The following RBFOX1 variants were observed in gnomAD, a reference collection of about 807,000 sequenced individuals.
RBFOX1 encodes the protein RNA binding protein fox-1 homolog 1.
A neutral mutation model predicts 57.7 loss-of-function variants in RBFOX1; 8 were observed. That is an observed-to-expected ratio of 0.14 (90% CI 0.08 to 0.25). The LOEUF (loss-of-function observed/expected upper bound fraction) is 0.25. Among genes scored for constraint, RBFOX1 ranks in the 10% least tolerant of loss-of-function variants. The pLI, the probability that RBFOX1 is intolerant of heterozygous loss-of-function variation, is 1.00. For missense variants in RBFOX1, 611 were observed against 548.5 expected, an observed-to-expected ratio of 1.11 and a Z score of -1.14; for synonymous variants, 326 against 222.4, an observed-to-expected ratio of 1.47 and a Z score of -4.15.
intron 5 of RBFOX1, among the ~76,000 whole-genome samples, chr16:7,528,045 C>G (rs1250754396): frequency 2.0e-5 from 3 of 152,166 alleles, no homozygotes. Flanking sequence ...TGGTCTAAGT[C>G]TAGGTCGTGG....
intron 1 of RBFOX1, among the ~76,000 whole-genome samples, chr16:6,244,972 T>C (rs78254169): frequency 6.6e-6 from 1 of 151,774 alleles, no homozygotes; most frequent in Non-Finnish European, 1.5e-5. Flanking sequence ...CGTTCTGGAG[T>C]CCTTAGTACC....
intron 2 of RBFOX1, among the ~76,000 whole-genome samples, chr16:6,337,019 G>A (rs1473845009): frequency 6.6e-6 from 1 of 152,122 alleles, no homozygotes; most frequent in East Asian, 1.9e-4. Context: ...ACTCAAAATG[G>A]CATTGAGGAA....
chr16:5,903,157 TG>T (rs2058350533), intron 4 of RBFOX1, among the ~76,000 whole-genome samples: 2 of 152,258 alleles, frequency 1.3e-5, no homozygotes, highest in South Asian at 4.1e-4. Flanking sequence ...CATGTCTGTA[TG>T]GGAAATATGT....
At chr16:5,599,008 T>G in exon 3 of RBFOX1, 1 of 1,441,138 alleles carries the variant, frequency 6.9e-7, no homozygotes, top group Non-Finnish European at 9.4e-7. Flanking sequence ...GAAACTACTT[T>G]TGCATCCTTT....
intron 1 of RBFOX1, among the ~76,000 whole-genome samples, chr16:6,146,848 C>G (rs1166246092): frequency 6.6e-6 from 1 of 152,138 alleles, no homozygotes; most frequent in Admixed American, 6.5e-5. Flanking sequence ...CACCTCGTTG[C>G]AGAAACATGG....
At chr16:5,355,414 G>T (rs750994372) in intron 1 of RBFOX1, among the ~76,000 whole-genome samples, 2 of 152,208 alleles carry the variant, frequency 1.3e-5, no homozygotes, top group Non-Finnish European at 2.9e-5. Flanking sequence ...GAAGCCTGAG[G>T]ACAAGGAGAC....
chr16:6,872,724 A>T (rs989497255), intron 3 of RBFOX1, among the ~76,000 whole-genome samples: 3 of 152,192 alleles, frequency 2.0e-5, no homozygotes, highest in Non-Finnish European at 4.4e-5. Context: ...TGTGTCTCAA[A>T]ACCTGTGTTT....
intron 2 of RBFOX1, among the ~76,000 whole-genome samples, chr16:5,516,893 G>C (rs866599693): frequency 6.6e-6 from 1 of 152,128 alleles, no homozygotes. Flanking sequence ...GTGCAGAACT[G>C]TGAGTCAATT....
At chr16:7,254,795 G>T (rs2094612425) in intron 4 of RBFOX1, among the ~76,000 whole-genome samples, 1 of 152,012 alleles carries the variant, frequency 6.6e-6, no homozygotes, top group Non-Finnish European at 1.5e-5. Flanking sequence ...GCTTTATGTT[G>T]TATTTCATAC....
chr16:7,507,142 T>A (rs1024263913), intron 4 of RBFOX1, among the ~76,000 whole-genome samples: 4 of 152,362 alleles, frequency 2.6e-5, no homozygotes, highest in South Asian at 2.1e-4. Flanking sequence ...TATTTGACTT[T>A]GATTTCATAG....
intron 2 of RBFOX1, among the ~76,000 whole-genome samples, chr16:6,638,168 C>A (rs1161732893): frequency 6.6e-6 from 1 of 151,988 alleles, no homozygotes; most frequent in African/African-American, 2.4e-5. Context: ...TAATTGTCTT[C>A]TTGCATATAA....
intron 2 of RBFOX1, among the ~76,000 whole-genome samples, chr16:6,565,256 C>CCTTTCT (rs1326219843): frequency 1.9e-5 from 2 of 106,722 alleles, no homozygotes; most frequent in East Asian, 8.3e-4. Context: ...TTTTTCTTTT[C>CCTTTCT]TTTTCTTTTT....
At chr16:6,054,709 G>T (rs926246373) in intron 1 of RBFOX1, among the ~76,000 whole-genome samples, 4 of 152,178 alleles carry the variant, frequency 2.6e-5, no homozygotes, top group Non-Finnish European at 5.9e-5. Context: ...CTGTTGAAGG[G>T]AAACTCACAG....
chr16:6,898,740 A>C (rs960198675), intron 3 of RBFOX1, among the ~76,000 whole-genome samples: 1 of 152,002 alleles, frequency 6.6e-6, no homozygotes, highest in Non-Finnish European at 1.5e-5. Flanking sequence ...ATACATGTGT[A>C]TGTGTCCATA....
intron 4 of RBFOX1, among the ~76,000 whole-genome samples, chr16:5,969,542 T>A (rs1340580262): frequency 6.7e-6 from 1 of 150,290 alleles, no homozygotes; most frequent in South Asian, 2.1e-4. Flanking sequence ...CAGGCTGGTC[T>A]CGAACTGCTG....
At chr16:6,024,052 C>T (rs1210668454) in intron 1 of RBFOX1, among the ~76,000 whole-genome samples, 1 of 152,146 alleles carries the variant, frequency 6.6e-6, no homozygotes, top group Non-Finnish European at 1.5e-5. Context: ...ACACAGGCAA[C>T]TGTCCTCATT....
chr16:6,859,125 A>ATATATATATATACGTATATATATACG (rs2058454814), intron 3 of RBFOX1, among the ~76,000 whole-genome samples: 2 of 66,328 alleles, frequency 3.0e-5, no homozygotes, highest in African/African-American at 1.9e-4. Context: ...ATATATATAT[A>ATATATATATATACGTATATATATACG]TATACATATA....
At chr16:6,039,467 G>A (rs1284098510) in intron 1 of RBFOX1, among the ~76,000 whole-genome samples, 1 of 152,056 alleles carries the variant, frequency 6.6e-6, no homozygotes. Context: ...GGAGACCGAA[G>A]TTCTATGAGG....
chr16:5,776,476 G>A (rs2054153911), intron 3 of RBFOX1, among the ~76,000 whole-genome samples: 1 of 152,192 alleles, frequency 6.6e-6, no homozygotes, highest in Non-Finnish European at 1.5e-5. Flanking sequence ...ACTGGGCTGA[G>A]CTTAAGTCTT....
Sources: gnomAD v4.1 joint callset for allele counts (sites outside exome capture counted in the v4.1 genomes callset) on GRCh38, gnomAD v4.1.1 for gene constraint, MANE v1.5 for transcripts, NCBI Gene and HGNC (gene_info 2026-07-23, HGNC 2026-07-21) for gene names.